The following UNC13C variants were observed in gnomAD, a reference collection of about 807,000 sequenced individuals.
UNC13C encodes protein unc-13 homolog C.
A neutral mutation model predicts 245.4 loss-of-function variants in UNC13C; 174 were observed. The observed-to-expected ratio is 0.71, with a 90% CI of 0.63 to 0.80. The LOEUF (loss-of-function observed/expected upper bound fraction) is 0.80. UNC13C is among the 30% of genes least tolerant of loss of function. UNC13C has a pLI of 0.00. For synonymous variants in UNC13C, 992 were observed against 895.1 expected (o/e 1.11, Z -1.93); for missense variants, 2,829 against 2,602.9 (o/e 1.09, Z -1.89).
At chr15:53,984,971 T>C (rs949579301) in intron 1 of UNC13C, among the ~76,000 whole-genome samples, 1 of 152,092 alleles carries the variant, frequency 6.6e-6, no homozygotes, top group African/African-American at 2.4e-5. Flanking sequence ...TCTTTTTTTT[T>C]ACTCTTTATT....
the UNC13C span, among the ~76,000 whole-genome samples, chr15:53,895,658 T>C: frequency 1.3e-5 from 2 of 152,310 alleles, no homozygotes; most frequent in East Asian, 3.9e-4. Flanking sequence ...TGTGTGCAGA[T>C]AGCTGAAGAA....
intron 2 of UNC13C, among the ~76,000 whole-genome samples, chr15:54,131,378 C>T (rs139081451): frequency 6.3e-4 from 96 of 152,248 alleles, no homozygotes; most frequent in African/African-American, 2.3e-3. Flanking sequence ...ATTTATATTC[C>T]TTAATACAGT....
At chr15:53,989,938 G>C (rs1248996855) in intron 1 of UNC13C, among the ~76,000 whole-genome samples, 3 of 151,904 alleles carry the variant, frequency 2.0e-5, no homozygotes, top group Non-Finnish European at 4.4e-5. Flanking sequence ...TGGGTGAAGA[G>C]TCTGACATGA....
rs184350282 is a variant in UNC13C at position 54,397,857 on chromosome 15, G to A, written c.4847+4676G>A. Among the ~76,000 whole-genome samples, 69 of 150,916 alleles carry A rather than the reference G, an allele frequency of 4.6e-4. No individual in the cohort carries two copies. In the East Asian group the frequency reaches 0.013, roughly 28 times the overall value. The stretch of plus-strand genomic sequence containing the variant: ...CCTTTCTAAATTTACTTTTTTGTAG[G>A]TTCCTCATGATTATTTAAATAAATT... On this transcript the variant is annotated intron_variant, in intron 18 of 32. Transcript: ENST00000260323.
chr15:54,326,880 T>G (rs925344445), intron 14 of UNC13C, among the ~76,000 whole-genome samples: 1 of 152,066 alleles, frequency 6.6e-6, no homozygotes, highest in African/African-American at 2.4e-5. Flanking sequence ...ATTGCAAGCT[T>G]GTTAAACACA....
intron 17 of UNC13C, among the ~76,000 whole-genome samples, chr15:54,377,779 A>G (rs556315194): frequency 6.6e-6 from 1 of 152,260 alleles, no homozygotes; most frequent in African/African-American, 2.4e-5. Context: ...CCTCTTATGG[A>G]GGGTTCCACC....
intron 19 of UNC13C, among the ~76,000 whole-genome samples, chr15:54,472,783 A>G (rs1892529224): frequency 6.6e-6 from 1 of 151,940 alleles, no homozygotes; most frequent in Admixed American, 6.6e-5. Flanking sequence ...GTTCTCACAT[A>G]TATAACAATT....
In UNC13C at chr15:54,463,105, G is replaced by A. The variant is rs373039325; in HGVS notation, c.4934-31503G>A. The stretch of plus-strand genomic sequence containing the variant: ...TCTAGTGGGGACTTGGAGAACTTTT[G>A]TGTCTAGCTAAAGGATTGTAAATGC... On this transcript the variant is annotated intron_variant, in intron 19 of 32. Transcript: ENST00000260323. Among the ~76,000 whole-genome samples the A allele has an allele frequency of 1.6e-4, 24 of 151,766 alleles. No homozygotes were observed. The South Asian group carries it at 4.0e-3, about 25-fold the overall frequency.
Position 54,443,424 on chromosome 15 carries a change from ATT to A in UNC13C, c.4933+28359_4933+28360del, listed in dbSNP as rs572725203. ...GTTTAGATTTAGTCTGTTGTTTATTATTTCTTTCTTTCAACTAATTTCGGATT... is the reference window on the plus strand; with the variant it reads ...GTTTAGATTTAGTCTGTTGTTTATTATCTTTCTTTCAACTAATTTCGGATT... On this transcript the variant is annotated intron_variant, in intron 19 of 32. Coordinates refer to ENST00000260323, the MANE Select transcript of UNC13C (RefSeq NM_001080534.3). Among the ~76,000 whole-genome samples the A allele has an allele frequency of 3.0e-3, 450 of 151,616 alleles. 10 individuals carry two copies. The highest frequency in any genetic ancestry group is 0.027 in the Admixed American group (412 of 15,210).
intron 30 of UNC13C, among the ~76,000 whole-genome samples, chr15:54,612,098 A>G (rs1900134372): frequency 6.6e-6 from 1 of 152,092 alleles, no homozygotes; most frequent in South Asian, 2.1e-4. Flanking sequence ...TAGTTTCATA[A>G]TTGAAATTAC....
the UNC13C span, among the ~76,000 whole-genome samples, chr15:53,862,188 C>T: frequency 6.6e-6 from 1 of 152,174 alleles, no homozygotes; most frequent in Non-Finnish European, 1.5e-5. Flanking sequence ...TGCTCATTTT[C>T]CTGCACAGAA....
intron 12 of UNC13C, among the ~76,000 whole-genome samples, chr15:54,299,312 G>A (rs2037515021): frequency 6.6e-6 from 1 of 152,122 alleles, no homozygotes; most frequent in East Asian, 1.9e-4. Context: ...GGAATTGAGA[G>A]TAGTAATTTT....
chr15:54,113,923 G>T (rs1019902687), intron 2 of UNC13C, among the ~76,000 whole-genome samples: 4 of 152,156 alleles, frequency 2.6e-5, no homozygotes, highest in Non-Finnish European at 4.4e-5. Flanking sequence ...TGCTGGAAGT[G>T]GCTCCTATAA....
chr15:53,922,375 T>C, the UNC13C span, among the ~76,000 whole-genome samples: 29 of 152,220 alleles, frequency 1.9e-4, no homozygotes, highest in Admixed American at 3.3e-4. Flanking sequence ...ACTTATAAAC[T>C]GAGAGACTTA....
At chr15:53,931,581 T>C in the UNC13C span, among the ~76,000 whole-genome samples, 2 of 152,164 alleles carry the variant, frequency 1.3e-5, no homozygotes, top group East Asian at 3.9e-4. Flanking sequence ...CTTTCCACTT[T>C]CCTGGGTGAT....
At chr15:53,913,276 G>A in the UNC13C span, 1 of 152,222 alleles carries the variant, frequency 6.6e-6, no homozygotes, top group East Asian at 1.9e-4. Context: ...ATGGGTAGTT[G>A]ACCAGAGGTG....
intron 13 of UNC13C, among the ~76,000 whole-genome samples, chr15:54,307,550 T>C (rs2140957232): frequency 6.6e-6 from 1 of 152,026 alleles, no homozygotes; most frequent in Middle Eastern, 3.4e-3. Flanking sequence ...AGTAAGCTCC[T>C]GATTTAGGGG....
intron 19 of UNC13C, among the ~76,000 whole-genome samples, chr15:54,482,675 T>C (rs1170637703): frequency 2.9e-5 from 3 of 102,888 alleles, no homozygotes; most frequent in Non-Finnish European, 6.3e-5. Context: ...GGTGTTTAGG[T>C]CCCTCTGTGT....
chr15:54,334,453 T>C (rs924383184), intron 16 of UNC13C, among the ~76,000 whole-genome samples: 1 of 152,140 alleles, frequency 6.6e-6, no homozygotes, highest in Non-Finnish European at 1.5e-5. Context: ...CAGAAACTAC[T>C]TGCCGGGCTG....
Sources: gnomAD v4.1 joint callset for allele counts (sites outside exome capture counted in the v4.1 genomes callset) on GRCh38, gnomAD v4.1.1 for gene constraint, MANE v1.5 for transcripts, NCBI Gene and HGNC (gene_info 2026-07-23, HGNC 2026-07-21) for gene names.